Variants in CADPS observed in about 807,000 individuals in gnomAD.
CADPS encodes the protein calcium dependent secretion activator.
A neutral mutation model predicts 167.3 loss-of-function variants in CADPS; 57 were observed. The ratio of observed to expected loss-of-function variants is 0.34; its 90% confidence interval spans 0.28 to 0.42. The LOEUF (loss-of-function observed/expected upper bound fraction) is 0.42, where lower values mean the gene tolerates loss of function less well. Among genes scored for constraint, CADPS ranks in the 20% least tolerant of loss-of-function variants. The probability of loss-of-function intolerance (pLI) is 1.00; values close to 1 mark genes in which losing one functional copy is unlikely to be tolerated. For synonymous variants in CADPS, 676 were observed against 635.3 expected, an observed-to-expected ratio of 1.06 and a Z score of -0.96; for missense variants, 1,414 against 1,738.1, an observed-to-expected ratio of 0.81 and a Z score of 3.32.
In CADPS at chr3:62,399,733, G is replaced by C; in HGVS notation, c.3883-148C>G. The C allele has an allele frequency of 3.2e-6, 2 of 617,888 alleles. No homozygotes were observed. The highest frequency in any genetic ancestry group is 5.4e-5 in the East Asian group (2 of 37,232). 38.3% of individuals were successfully genotyped at this position (617,888 alleles called of 1,614,324 possible). On this transcript the variant is annotated intron_variant, in intron 29 of 29. Coordinates refer to ENST00000383710, the MANE Select transcript of CADPS (RefSeq NM_003716.4). The surrounding 1 kb of genome is among the most constrained non-coding windows in gnomAD (Gnocchi z 5.6). ...GTCAAATAAAAAGCCACTGTGCTTA[G>C]ATTTCACTTGTATTGAAAACTGAGA...
chr3:62,813,224 C>T (rs979279116), intron 1 of CADPS, among the ~76,000 whole-genome samples: 4 of 151,998 alleles, frequency 2.6e-5, no homozygotes, highest in Non-Finnish European at 4.4e-5. Flanking sequence ...ATACTACAAG[C>T]CCACAGTAAC....
At chr3:62,467,092 T>A (rs1270041205) in intron 24 of CADPS, among the ~76,000 whole-genome samples, 2 of 152,132 alleles carry the variant, frequency 1.3e-5, no homozygotes, top group Non-Finnish European at 2.9e-5. Flanking sequence ...TACATTTAAA[T>A]AGTAATGTGA....
chr3:62,563,877 C>T (rs753680823), intron 9 of CADPS, among the ~76,000 whole-genome samples: 4 of 152,128 alleles, frequency 2.6e-5, no homozygotes, highest in African/African-American at 7.2e-5. Context: ...TAATTCATTC[C>T]TTTTTATGGA....
At chr3:62,508,294 C>A (rs559338775) in intron 17 of CADPS, among the ~76,000 whole-genome samples, 1 of 152,158 alleles carries the variant, frequency 6.6e-6, no homozygotes, top group South Asian at 2.1e-4. Flanking sequence ...TTTTTTTGAA[C>A]CTGGCTTCTT....
intron 3 of CADPS, among the ~76,000 whole-genome samples, chr3:62,747,507 C>T (rs77347130): frequency 2.6e-5 from 4 of 152,152 alleles, no homozygotes; most frequent in Admixed American, 2.6e-4. Context: ...ATCTGAAAAG[C>T]TGCCATGTGT....
At chr3:62,450,773 TACC>T (rs532466300) in intron 26 of CADPS, among the ~76,000 whole-genome samples, 289 of 152,292 alleles carry the variant, frequency 1.9e-3, no homozygotes, top group Non-Finnish European at 3.2e-3. Flanking sequence ...TATGTACAGG[TACC>T]ACATTAGGAG....
intron 10 of CADPS, among the ~76,000 whole-genome samples, chr3:62,551,537 G>A (rs1264219946): frequency 6.6e-6 from 1 of 152,116 alleles, no homozygotes; most frequent in African/African-American, 2.4e-5. Flanking sequence ...CTAGAGTCAG[G>A]TCCTGTCACT....
intron 8 of CADPS, among the ~76,000 whole-genome samples, chr3:62,576,795 A>T (rs1374201916): frequency 4.7e-5 from 7 of 147,482 alleles, no homozygotes; most frequent in Non-Finnish European, 9.0e-5. Flanking sequence ...GTCTAAAAAA[A>T]AAAAAAAAAA....
chr3:62,600,863 A>G (rs970458396), intron 6 of CADPS, among the ~76,000 whole-genome samples: 1 of 152,238 alleles, frequency 6.6e-6, no homozygotes, highest in Non-Finnish European at 1.5e-5. Context: ...CTGCACCTGT[A>G]GTCCCAGCTA....
intron 2 of CADPS, among the ~76,000 whole-genome samples, chr3:62,761,480 A>C (rs751793050): frequency 6.6e-6 from 1 of 152,154 alleles, no homozygotes; most frequent in Non-Finnish European, 1.5e-5. Context: ...TTCAGACATC[A>C]GATGCAGTGT....
At chr3:62,553,232 C>G (rs2152294519) in intron 10 of CADPS, among the ~76,000 whole-genome samples, 1 of 152,294 alleles carries the variant, frequency 6.6e-6, no homozygotes, top group South Asian at 2.1e-4. Flanking sequence ...GAGCTACCGT[C>G]AGAAAGTCAG....
At chr3:62,581,513 C>A (rs1389716314) in intron 8 of CADPS, among the ~76,000 whole-genome samples, 3 of 148,862 alleles carry the variant, frequency 2.0e-5, no homozygotes, top group Non-Finnish European at 4.4e-5. Context: ...CCCACCTCTA[C>A]AAATTTTTTT....
At chr3:62,790,180 G>A (rs760047439) in intron 1 of CADPS, among the ~76,000 whole-genome samples, 1 of 152,100 alleles carries the variant, frequency 6.6e-6, no homozygotes, top group Non-Finnish European at 1.5e-5. Context: ...TGTTCATAAA[G>A]AGTATGCAAC....
At chr3:62,785,755 T>C (rs761598256) in intron 1 of CADPS, among the ~76,000 whole-genome samples, 5 of 151,972 alleles carry the variant, frequency 3.3e-5, no homozygotes, top group Admixed American at 6.6e-5. Flanking sequence ...CCAGTGCAAA[T>C]AGGAAAAATA....
chr3:62,439,929 G>C (rs1371348254), intron 27 of CADPS: 3 of 152,074 alleles, frequency 2.0e-5, no homozygotes, highest in Non-Finnish European at 4.4e-5. Context: ...AAAAACTCTG[G>C]TATTTTAAAA....
intron 28 of CADPS, among the ~76,000 whole-genome samples, chr3:62,415,487 C>A (rs1011679030): frequency 2.6e-5 from 4 of 152,050 alleles, no homozygotes; most frequent in Non-Finnish European, 5.9e-5. Flanking sequence ...CCCACCCCCC[C>A]AACTCCTTAA....
chr3:62,421,680 G>A lies in CADPS; in HGVS notation c.3777+16424C>T, dbSNP rs893264774. Among the ~76,000 whole-genome samples the A allele has an allele frequency of 6.6e-6, 1 of 152,202 alleles. No homozygotes were observed. The highest frequency in any genetic ancestry group is 6.5e-5 in the Admixed American group (1 of 15,290). ...TTCCCCCCAAAGGAGGGGGAAGGGG[G>A]GACTTTGCCCAAGCCAAGGATTTGG... On this transcript the variant is annotated intron_variant, in intron 28 of 29. Coordinates refer to ENST00000383710, the MANE Select transcript of CADPS (RefSeq NM_003716.4). This position sits in a 1 kb window ranked among gnomAD's most constrained non-coding sequence, Gnocchi z 4.7.
At chr3:62,703,657 T>A (rs2081831735) in intron 3 of CADPS, among the ~76,000 whole-genome samples, 1 of 152,082 alleles carries the variant, frequency 6.6e-6, no homozygotes, top group Non-Finnish European at 1.5e-5. Context: ...CTAAAATAGA[T>A]TTGAACCAGT....
intron 3 of CADPS, among the ~76,000 whole-genome samples, chr3:62,728,910 C>G (rs2077233257): frequency 6.6e-6 from 1 of 151,826 alleles, no homozygotes; most frequent in South Asian, 2.1e-4. Context: ...GGAATGAAAT[C>G]CGGAATCCCT....
Sources: allele counts gnomAD v4.1 joint callset (sites outside exome capture counted in the v4.1 genomes callset), GRCh38; gene constraint gnomAD v4.1.1; non-coding constraint Gnocchi (gnomAD v3.1); transcripts MANE v1.5; gene names NCBI Gene and HGNC (gene_info 2026-07-23, HGNC 2026-07-21).